BACH2: variants seen among roughly 807,000 people sequenced by gnomAD.
BACH2 encodes the protein BACH transcriptional regulator 2, also known as transcription regulator protein BACH2.
A neutral mutation model predicts 61.8 loss-of-function variants in BACH2; 5 were observed. The ratio of observed to expected loss-of-function variants is 0.08; its 90% CI spans 0.04 to 0.17. The LOEUF (loss-of-function observed/expected upper bound fraction) is 0.17. Among genes scored for constraint, BACH2 ranks in the 10% least tolerant of loss-of-function variants. The pLI is 1.00. For synonymous variants in BACH2, 446 were observed against 440.1 expected (o/e 1.01, Z -0.17); for missense variants, 824 against 1,091.1 (o/e 0.76, Z 3.45).
chr6:90,233,234 G>A (rs1201685037), intron 3 of BACH2, among the ~76,000 whole-genome samples: 4 of 152,114 alleles, frequency 2.6e-5, no homozygotes, highest in Non-Finnish European at 5.9e-5. Flanking sequence ...CATGACTTTG[G>A]CCAGACCCCA....
intron 4 of BACH2, among the ~76,000 whole-genome samples, chr6:90,131,281 T>C (rs1784069562): frequency 1.3e-5 from 2 of 152,238 alleles, no homozygotes; most frequent in South Asian, 4.1e-4. Context: ...CTTCAAGTCC[T>C]GTGTCAGCTG....
chr6:90,189,564 C>T (rs1271067079), intron 4 of BACH2, among the ~76,000 whole-genome samples: 1 of 142,732 alleles, frequency 7.0e-6, no homozygotes, highest in Non-Finnish European at 1.5e-5. Flanking sequence ...GCCGAGATTG[C>T]GCCACTGCAG....
chr6:89,948,012 A>G (rs983384876), intron 7 of BACH2, among the ~76,000 whole-genome samples: 1 of 152,170 alleles, frequency 6.6e-6, no homozygotes, highest in East Asian at 1.9e-4. Context: ...TTTTAGTTCT[A>G]AAGTAAACAA....
intron 2 of BACH2, among the ~76,000 whole-genome samples, chr6:90,261,893 C>T (rs1771170993): frequency 6.6e-6 from 1 of 152,164 alleles, no homozygotes; most frequent in Admixed American, 6.5e-5. Context: ...AACTGGCTCT[C>T]AGCACCATCA....
intron 5 of BACH2, among the ~76,000 whole-genome samples, chr6:90,050,862 T>G (rs2127794538): frequency 6.6e-6 from 1 of 151,972 alleles, no homozygotes; most frequent in Non-Finnish European, 1.5e-5. Context: ...CTCCATCTCC[T>G]GGGTTCAAGC....
intron 4 of BACH2, among the ~76,000 whole-genome samples, chr6:90,166,541 A>C (rs1303684128): frequency 2.6e-5 from 4 of 152,184 alleles, no homozygotes; most frequent in Admixed American, 6.5e-5. Context: ...TTGACCCAGC[A>C]ATCCCATTAC....
intron 4 of BACH2, among the ~76,000 whole-genome samples, chr6:90,143,072 C>A (rs1010213225): frequency 3.3e-5 from 5 of 152,188 alleles, no homozygotes; most frequent in Non-Finnish European, 5.9e-5. Context: ...CCTCCATTCA[C>A]TGCAGATTCC....
intron 5 of BACH2, among the ~76,000 whole-genome samples, chr6:90,012,116 A>G (rs1279021409): frequency 6.6e-6 from 1 of 152,046 alleles, no homozygotes; most frequent in East Asian, 1.9e-4. Context: ...CTTTTATGTT[A>G]CTATCATAGT....
intron 6 of BACH2, among the ~76,000 whole-genome samples, chr6:89,997,005 G>GCA (rs60037899): frequency 0.11 from 15,827 of 149,532 alleles, 907 homozygotes; most frequent in East Asian, 0.18. Flanking sequence ...ATGCACACGG[G>GCA]CACACACACA....
chr6:90,148,315 G>A (rs1784692208), intron 4 of BACH2, among the ~76,000 whole-genome samples: 1 of 152,190 alleles, frequency 6.6e-6, no homozygotes, highest in Admixed American at 6.5e-5. Context: ...CAGATGCCCA[G>A]AGGGGAGGAA....
chr6:90,097,553 C>T (rs922453630), intron 4 of BACH2, among the ~76,000 whole-genome samples: 3 of 152,156 alleles, frequency 2.0e-5, no homozygotes, highest in East Asian at 1.9e-4. Flanking sequence ...ATTCATACCA[C>T]GTGTGGGAAA....
At chr6:90,139,903 C>A (rs1784408302) in intron 4 of BACH2, among the ~76,000 whole-genome samples, 2 of 152,160 alleles carry the variant, frequency 1.3e-5, no homozygotes, top group African/African-American at 2.4e-5. Flanking sequence ...CTAATAGACA[C>A]CCTCCCCAAA....
At chr6:90,208,788 G>A (rs1769238187) in intron 3 of BACH2, among the ~76,000 whole-genome samples, 3 of 152,126 alleles carry the variant, frequency 2.0e-5, no homozygotes, top group Admixed American at 6.5e-5. Flanking sequence ...CAATAGCAAA[G>A]TCTTAGAACC....
intron 4 of BACH2, among the ~76,000 whole-genome samples, chr6:90,141,669 AAAT>A (rs1341939560): frequency 6.6e-6 from 1 of 152,156 alleles, no homozygotes; most frequent in Non-Finnish European, 1.5e-5. Flanking sequence ...GAATGTGATA[AAAT>A]AATCATCTTC....
intron 4 of BACH2, among the ~76,000 whole-genome samples, chr6:90,126,202 T>C (rs537316252): frequency 4.6e-5 from 7 of 152,386 alleles, no homozygotes; most frequent in East Asian, 1.9e-4. Flanking sequence ...ACAGGTTCTA[T>C]GTAAACACAC....
At chr6:90,236,913 T>G (rs541456008) in intron 3 of BACH2, among the ~76,000 whole-genome samples, 2 of 152,192 alleles carry the variant, frequency 1.3e-5, no homozygotes, top group Admixed American at 6.5e-5. Context: ...TCTCCAGGAC[T>G]CAGGAAGGCC....
rs189392553 is a variant in BACH2, at chr6:90,284,943, G to A, written c.-446+11537C>T. On this transcript the variant is annotated intron_variant, in intron 1 of 8. Coordinates refer to ENST00000257749, the MANE Select transcript of BACH2 (RefSeq NM_021813.4). The stretch of plus-strand genomic sequence containing the variant: ...TGGCTTTTCTTTATTACTGGTCAAA[G>A]CTGCTTCAGAATGCTTATTGAAACT... Among the ~76,000 whole-genome samples, 11 of 152,222 alleles carry A rather than the reference G, an allele frequency of 7.2e-5. No homozygotes were observed. The East Asian group carries it at 2.1e-3, about 29-fold the overall frequency.
chr6:90,051,505 T>C (rs1389551927), intron 5 of BACH2, among the ~76,000 whole-genome samples: 2 of 152,182 alleles, frequency 1.3e-5, no homozygotes, highest in Admixed American at 6.5e-5. Context: ...AGTTGAGTAG[T>C]AGTGAGAGAG....
intron 4 of BACH2, among the ~76,000 whole-genome samples, chr6:90,138,994 G>A (rs1252673870): frequency 1.3e-5 from 2 of 152,240 alleles, no homozygotes; most frequent in African/African-American, 4.8e-5. Flanking sequence ...TCTTTTTGAA[G>A]GATTGTCCTT....
Sources: gnomAD v4.1 joint callset for allele counts (sites outside exome capture counted in the v4.1 genomes callset) on GRCh38, gnomAD v4.1.1 for gene constraint, MANE v1.5 for transcripts, NCBI Gene and HGNC (gene_info 2026-07-23, HGNC 2026-07-21) for gene names.